The following GDA variants were observed in gnomAD, a reference collection of about 807,000 sequenced individuals.
GDA encodes the protein cytoplasmic PSD-95 interactor.
In GDA, 18 loss-of-function variants were observed where a neutral mutation model predicts 59.6. The ratio of observed to expected loss-of-function variants is 0.30; its 90% CI spans 0.21 to 0.45. The LOEUF (loss-of-function observed/expected upper bound fraction) is 0.45. Among genes scored for constraint, GDA ranks in the 20% least tolerant of loss-of-function variants. GDA has a pLI of 1.00. For synonymous variants in GDA, 201 were observed against 201.1 expected, an observed-to-expected ratio of 1.00 and a Z score of 0.00; for missense variants, 427 against 552.3, an observed-to-expected ratio of 0.77 and a Z score of 2.27.
At chr9:72,151,812 A>C (rs1827246035) in intron 1 of GDA, among the ~76,000 whole-genome samples, 1 of 151,964 alleles carries the variant, frequency 6.6e-6, no homozygotes, top group South Asian at 2.1e-4. Flanking sequence ...CAATGTGTTA[A>C]CAGGATGGTC....
intron 6 of GDA, 135 bp downstream of exon 6, chr9:72,219,641 G>T: frequency 1.8e-6 from 1 of 564,196 alleles, no homozygotes; most frequent in East Asian, 3.1e-5. Flanking sequence ...CCTAGAGCCT[G>T]ATGTGTCACT....
intron 2 of GDA, among the ~76,000 whole-genome samples, chr9:72,198,147 C>A (rs57629848): frequency 0.018 from 2,728 of 152,244 alleles, 73 homozygotes; most frequent in African/African-American, 0.062. Flanking sequence ...GTAATCCCAG[C>A]ACTTTGGGAG....
At chr9:72,152,972 G>A (rs1271858861) in intron 1 of GDA, among the ~76,000 whole-genome samples, 1 of 152,136 alleles carries the variant, frequency 6.6e-6, no homozygotes, top group Non-Finnish European at 1.5e-5. Flanking sequence ...TTTGCATAAG[G>A]TGTAAGGAAG....
chr9:72,124,900 G>T (rs551633376), intron 1 of GDA, among the ~76,000 whole-genome samples: 1 of 152,106 alleles, frequency 6.6e-6, no homozygotes, highest in African/African-American at 2.4e-5. Context: ...GAGCCATCGC[G>T]CCTGGCCCTG....
intron 4 of GDA, among the ~76,000 whole-genome samples, chr9:72,213,360 T>C (rs1257044571): frequency 6.6e-6 from 1 of 152,162 alleles, no homozygotes. Flanking sequence ...AAGTGATGAA[T>C]AGAAAAACTT....
intron 1 of GDA, among the ~76,000 whole-genome samples, chr9:72,153,944 C>A (rs965534377): frequency 6.7e-6 from 1 of 148,416 alleles, no homozygotes; most frequent in Non-Finnish European, 1.5e-5. Flanking sequence ...GCACATGTAC[C>A]CTAAAACTTA....
chr9:72,187,695 G>A (rs1832023901), intron 1 of GDA, among the ~76,000 whole-genome samples: 1 of 152,234 alleles, frequency 6.6e-6, no homozygotes, highest in Non-Finnish European at 1.5e-5. Context: ...AGCCTAGATT[G>A]CTGTAAATGG....
At chr9:72,134,169 AC>A (rs376805663) in intron 1 of GDA, among the ~76,000 whole-genome samples, 44 of 152,304 alleles carry the variant, frequency 2.9e-4, no homozygotes, top group African/African-American at 1.0e-3. Flanking sequence ...CAAATAAAAG[AC>A]CAAATAGTGC....
At chr9:72,195,469 G>GTTTCT in intron 1 of GDA, 31 bp from the exon 2 acceptor site, 1 of 942,740 alleles carries the variant, frequency 1.1e-6, no homozygotes, top group Non-Finnish European at 1.6e-6. Context: ...ACTAATATGT[G>GTTTCT]TTTCTTTTCT....
At position 72,231,130 on chromosome 9, in the gene GDA, C is replaced by A. The variant is rs756428524; in HGVS notation, c.937C>A (p.Leu313Ile). The change falls in exon 10 of 14, where the codon CTA (leucine) becomes ATA (isoleucine). Residue 313 changes from leucine to isoleucine, a missense_variant. Leu to Ile is a conservative substitution (Grantham distance 5). Transcript: ENST00000358399. The part of the protein sequence containing the change: ...NSNLSLSSGF[L>I]NVLEVLKHEV... ...TCTCTACAGGCTCAGCAGTGGATTT[C>A]TAAATGTGCTAGAAGTCCTGAAACA... The A allele has an allele frequency of 6.3e-7, 1 of 1,591,878 alleles. No individual in the cohort carries two copies. Among genetic ancestry groups the A allele is most frequent in the South Asian group, 1.1e-5 (1 of 90,596 alleles).
chr9:72,164,161 G>A (rs981161356), intron 1 of GDA, among the ~76,000 whole-genome samples: 9 of 152,190 alleles, frequency 5.9e-5, no homozygotes, highest in East Asian at 1.9e-4. Context: ...ATATCTGAAC[G>A]GGCGATATAA....
chr9:72,165,812 T>G (rs1205081306), intron 1 of GDA, among the ~76,000 whole-genome samples: 3 of 151,224 alleles, frequency 2.0e-5, no homozygotes, highest in Non-Finnish European at 4.4e-5. Flanking sequence ...GGGGGAGAAC[T>G]GCTCGAATCC....
At chr9:72,159,388 C>T (rs1394132260) in intron 1 of GDA, among the ~76,000 whole-genome samples, 10 of 151,410 alleles carry the variant, frequency 6.6e-5, no homozygotes, top group African/African-American at 2.4e-4. Context: ...AGTGAGACTC[C>T]GTCTCAAAAA....
intron 1 of GDA, among the ~76,000 whole-genome samples, chr9:72,120,827 C>T (rs1440828896): frequency 2.6e-5 from 4 of 152,126 alleles, no homozygotes; most frequent in Non-Finnish European, 5.9e-5. Context: ...CAGCATCATT[C>T]GGGAAACAGA....
chr9:72,221,520 G>A (rs1200298347), intron 6 of GDA, among the ~76,000 whole-genome samples: 1 of 152,094 alleles, frequency 6.6e-6, no homozygotes, highest in Non-Finnish European at 1.5e-5. Flanking sequence ...TGCATTTTGG[G>A]GTACCCTTCA....
At chr9:72,140,602 T>C (rs1374652662) in intron 1 of GDA, among the ~76,000 whole-genome samples, 1 of 152,170 alleles carries the variant, frequency 6.6e-6, no homozygotes, top group Non-Finnish European at 1.5e-5. Flanking sequence ...GAGGAATGGG[T>C]AAAAATTATA....
upstream of GDA, chr9:72,149,382 G>C (rs1052657852): frequency 3.3e-6 from 2 of 602,396 alleles, no homozygotes; most frequent in Non-Finnish European, 5.6e-6. Flanking sequence ...AGGAGGTAGG[G>C]AGCCAGCCCC....
At chr9:72,198,941 G>T (rs1354193944) in intron 2 of GDA, among the ~76,000 whole-genome samples, 1 of 151,060 alleles carries the variant, frequency 6.6e-6, no homozygotes, top group Non-Finnish European at 1.5e-5. Flanking sequence ...GAGATTCTCT[G>T]AGGAAATTAT....
intron 6 of GDA, among the ~76,000 whole-genome samples, chr9:72,221,514 T>C (rs1836866450): frequency 6.6e-6 from 1 of 152,222 alleles, no homozygotes; most frequent in Admixed American, 6.5e-5. Flanking sequence ...ATGATATGCA[T>C]TTTGGGGTAC....
Sources: allele counts gnomAD v4.1 joint callset (sites outside exome capture counted in the v4.1 genomes callset), GRCh38; gene constraint gnomAD v4.1.1; transcripts MANE v1.5; gene names NCBI Gene and HGNC (gene_info 2026-07-23, HGNC 2026-07-21).